Variants in RSBN1L observed in about 807,000 individuals in gnomAD.
RSBN1L encodes the protein round spermatid basic protein 1 like.
A neutral mutation model predicts 67.7 loss-of-function variants in RSBN1L; 30 were observed. That is an observed-to-expected ratio of 0.44 (90% CI 0.33 to 0.60). The LOEUF is 0.60. Ranked by LOEUF, RSBN1L falls within the 20% of genes least tolerant of loss-of-function variation. The probability of loss-of-function intolerance (pLI) is 0.02; values close to 1 mark genes in which losing one functional copy is unlikely to be tolerated. For missense variants in RSBN1L, 992 were observed against 1,031.7 expected (o/e 0.96, Z 0.53); for synonymous variants, 433 against 387.0 (o/e 1.12, Z -1.39).
intron 1 of RSBN1L, among the ~76,000 whole-genome samples, chr7:77,727,625 ATT>A (rs879882290): frequency 3.5e-5 from 5 of 142,202 alleles, no homozygotes; most frequent in African/African-American, 2.6e-5. Context: ...TAAAAAACAA[ATT>A]TTTTTTTTTT....
intron 1 of RSBN1L, among the ~76,000 whole-genome samples, chr7:77,703,438 C>T (rs527425395): frequency 1.7e-4 from 24 of 140,734 alleles, no homozygotes; most frequent in African/African-American, 6.1e-4. Flanking sequence ...TTATGTCAGA[C>T]GTGGAGTGTG....
chr7:77,719,271 A>T (rs1214914383), intron 1 of RSBN1L, among the ~76,000 whole-genome samples: 3 of 152,220 alleles, frequency 2.0e-5, no homozygotes, highest in Non-Finnish European at 4.4e-5. Flanking sequence ...TACAACTTTT[A>T]AAAAATGTAG....
chr7:77,778,260 T>C, intron 6 of RSBN1L, 78 bp from the exon 7 acceptor site: 1 of 932,036 alleles, frequency 1.1e-6, no homozygotes, highest in South Asian at 1.6e-5. Flanking sequence ...CATAAAGTAT[T>C]TTTGCTTTGA....
chr7:77,778,143 C>A (rs1296610231), intron 6 of RSBN1L, among the ~76,000 whole-genome samples, 195 bp from the exon 7 acceptor site: 1 of 152,160 alleles, frequency 6.6e-6, no homozygotes, highest in Admixed American at 6.5e-5. Flanking sequence ...AGTTTTTAAT[C>A]TGTGTCTAGG....
intron 3 of RSBN1L, among the ~76,000 whole-genome samples, chr7:77,763,333 A>C (rs1791720226): frequency 6.6e-6 from 1 of 152,062 alleles, no homozygotes; most frequent in African/African-American, 2.4e-5. Flanking sequence ...GTGTTTTACA[A>C]TATCAGTTGT....
chr7:77,742,816 C>A (rs115325239), intron 2 of RSBN1L, among the ~76,000 whole-genome samples: 3,041 of 152,150 alleles, frequency 0.02, 85 homozygotes, highest in African/African-American at 0.069. Flanking sequence ...GCACCCTGGG[C>A]GACAGAGTGA....
chr7:77,775,317 T>C (rs1791899642), intron 6 of RSBN1L, among the ~76,000 whole-genome samples: 2 of 152,046 alleles, frequency 1.3e-5, no homozygotes, highest in Non-Finnish European at 2.9e-5. Context: ...GGTAGATCAC[T>C]TGAAGTTAGG....
At chr7:77,773,340 T>G (rs772845475) in intron 6 of RSBN1L, 26 bp downstream of exon 6, 21 of 1,397,830 alleles carry the variant, frequency 1.5e-5, no homozygotes, top group Non-Finnish European at 1.9e-5. Flanking sequence ...GCTATTTTAA[T>G]GAAAGAATTT....
chr7:77,728,815 C>A (rs557492669), intron 1 of RSBN1L, among the ~76,000 whole-genome samples: 1 of 152,258 alleles, frequency 6.6e-6, no homozygotes, highest in Admixed American at 6.5e-5. Flanking sequence ...GGAGGGGAAT[C>A]ACAGAAGTCG....
At chr7:77,723,945 T>G (rs6946188) in intron 1 of RSBN1L, among the ~76,000 whole-genome samples, 1 of 30,606 alleles carries the variant, frequency 3.3e-5, no homozygotes, top group African/African-American at 6.6e-4. Context: ...AAAAAAAAAA[T>G]TTTTTTTTTT....
At chr7:77,733,187 A>G (rs7795371) in intron 1 of RSBN1L, among the ~76,000 whole-genome samples, 64,491 of 152,094 alleles carry the variant, frequency 0.42, 14,078 homozygotes, top group African/African-American at 0.5. Flanking sequence ...GCTCTACCAA[A>G]AAGTGGAAAA....
chr7:77,702,383 T>TA (rs1286814771), intron 1 of RSBN1L, among the ~76,000 whole-genome samples: 1 of 152,226 alleles, frequency 6.6e-6, no homozygotes, highest in Non-Finnish European at 1.5e-5. Context: ...GGATATTAAT[T>TA]ACAGCTTCTT....
intron 1 of RSBN1L, among the ~76,000 whole-genome samples, chr7:77,721,914 A>G (rs1189332105): frequency 6.6e-6 from 1 of 152,194 alleles, no homozygotes; most frequent in African/African-American, 2.4e-5. Flanking sequence ...AAAGGAAAGA[A>G]ACTATAGGTA....
At position 77,760,435 on chromosome 7, in the gene RSBN1L, G is replaced by A. The variant is rs532158418; in HGVS notation, c.1345-5060G>A. 1.5e-3 allele frequency among the ~76,000 whole-genome samples: 222 copies of A among 152,074 alleles called. 2 individuals are homozygous for A. Among genetic ancestry groups the A allele is most frequent in the Non-Finnish European group, 9.1e-4 (62 of 67,986 alleles). ...TTTGTGGGGAGGGGGAGGAGATTTA[G>A]ATTAAATATGTTATATTTCTTCTGA... On this transcript the variant is annotated intron_variant, in intron 3 of 7. Coordinates refer to ENST00000334955, the MANE Select transcript of RSBN1L (RefSeq NM_198467.3).
intron 2 of RSBN1L, among the ~76,000 whole-genome samples, chr7:77,740,975 C>G (rs958817423): frequency 7.4e-6 from 1 of 135,844 alleles, no homozygotes. Context: ...CAACATTTTT[C>G]TTTTCTTTTC....
rs372240966 is a variant in RSBN1L, at chr7:77,745,262, C to CA, written c.704-4146dup. Among the ~76,000 whole-genome samples the CA allele has an allele frequency of 7.3e-3, 545 of 74,736 alleles. 4 individuals carry two copies. The highest frequency in any genetic ancestry group is 0.016 in the African/African-American group (308 of 18,670). The allele number at this position is 74,736 out of a possible 152,430, so 49.0% of individuals were successfully genotyped here. A position where few individuals can be genotyped will look rare whatever the true frequency, so the allele number is the denominator to read the frequency against. ...GGAAACAAAAAGCAAAACTCCGTCT[C>CA]AAAAAAAAAAAAAAAAGTTGACTGA... is the stretch of plus-strand genomic sequence containing the variant. On this transcript the variant is annotated intron_variant, in intron 2 of 7. Transcript: ENST00000334955.
chr7:77,742,793 G>A lies in RSBN1L; in HGVS notation c.703+6267G>A, dbSNP rs531784627. On this transcript the variant is annotated intron_variant, in intron 2 of 7. Transcript: ENST00000334955. ...CGGCGGAAGTTGCTGTGAGCCGATT[G>A]CACGATTGCACTGCACCCTGGGCGA... is the stretch of plus-strand genomic sequence containing the variant. Among the ~76,000 whole-genome samples, 9 of 152,270 alleles carry A rather than the reference G, an allele frequency of 5.9e-5. No homozygotes were observed. In the South Asian group the frequency reaches 1.9e-3, roughly 32 times the overall value.
At chr7:77,731,691 A>C (rs1791274281) in intron 1 of RSBN1L, among the ~76,000 whole-genome samples, 1 of 152,066 alleles carries the variant, frequency 6.6e-6, no homozygotes, top group Non-Finnish European at 1.5e-5. Context: ...CAGAACAGAA[A>C]ATTTTAATTT....
At chr7:77,706,218 A>T (rs1221560534) in intron 1 of RSBN1L, among the ~76,000 whole-genome samples, 1 of 151,976 alleles carries the variant, frequency 6.6e-6, no homozygotes, top group African/African-American at 2.4e-5. Flanking sequence ...CTGGGATTAC[A>T]GACGCCTGCC....
Sources: gnomAD v4.1 joint callset for allele counts (sites outside exome capture counted in the v4.1 genomes callset) on GRCh38, gnomAD v4.1.1 for gene constraint, MANE v1.5 for transcripts, NCBI Gene and HGNC (gene_info 2026-07-23, HGNC 2026-07-21) for gene names.